Variants in ANGPT4 observed in about 807,000 individuals in gnomAD.
ANGPT4 encodes angiopoietin 4, also known as angiopoietin-4.
In ANGPT4, 50 loss-of-function variants were observed where a neutral mutation model predicts 53.0. The ratio of observed to expected loss-of-function variants is 0.94; its 90% CI spans 0.75 to 1.20. The LOEUF (loss-of-function observed/expected upper bound fraction) is 1.20, where lower values mean the gene tolerates loss of function less well. ANGPT4 is among the 50% of genes most tolerant of loss of function. The probability of loss-of-function intolerance (pLI) is 0.00; values close to 1 mark genes in which losing one functional copy is unlikely to be tolerated. For synonymous variants in ANGPT4, 251 were observed against 259.7 expected, an observed-to-expected ratio of 0.97 and a Z score of 0.32; for missense variants, 648 against 637.1, an observed-to-expected ratio of 1.02 and a Z score of -0.18.
At chr20:875,018 C>A (rs1336567581) in intron 7 of ANGPT4, among the ~76,000 whole-genome samples, 1 of 149,366 alleles carries the variant, frequency 6.7e-6, no homozygotes, top group Non-Finnish European at 1.5e-5. Flanking sequence ...CCGTGCCCGG[C>A]AACGTTTCTT....
At chr20:892,599 A>C (rs1981890565) in intron 1 of ANGPT4, among the ~76,000 whole-genome samples, 1 of 151,416 alleles carries the variant, frequency 6.6e-6, no homozygotes, top group Non-Finnish European at 1.5e-5. Context: ...TGTCTCAAAA[A>C]AAAAAAAAAA....
intron 1 of ANGPT4, among the ~76,000 whole-genome samples, chr20:909,425 AAGCTC>A (rs1381646083): frequency 6.6e-6 from 1 of 152,186 alleles, no homozygotes; most frequent in Non-Finnish European, 1.5e-5. Flanking sequence ...TGAAAAACTG[AAGCTC>A]AGGTCTTTCT....
chr20:897,720 C>T (rs760230550), intron 1 of ANGPT4, among the ~76,000 whole-genome samples: 22 of 152,182 alleles, frequency 1.4e-4, no homozygotes, highest in Non-Finnish European at 2.6e-4. Context: ...GCTCACCGCC[C>T]GCTTCTCCGT....
At chr20:894,227 G>A (rs1441298335) in intron 1 of ANGPT4, among the ~76,000 whole-genome samples, 1 of 152,146 alleles carries the variant, frequency 6.6e-6, no homozygotes, top group African/African-American at 2.4e-5. Flanking sequence ...TAAGTTGCAA[G>A]CCCCGTGTTT....
intron 2 of ANGPT4, among the ~76,000 whole-genome samples, chr20:888,697 C>G (rs888955299): frequency 6.6e-6 from 1 of 152,228 alleles, no homozygotes; most frequent in Non-Finnish European, 1.5e-5. Context: ...AACCCTGTCC[C>G]CCACATCCAA....
intron 3 of ANGPT4, among the ~76,000 whole-genome samples, chr20:887,509 C>T (rs1264637105): frequency 6.6e-6 from 1 of 152,190 alleles, no homozygotes; most frequent in East Asian, 1.9e-4. Flanking sequence ...GTGGCTTGTT[C>T]AGTGGGTAGA....
chr20:874,167 A>G, intron 8 of ANGPT4, 117 bp downstream of exon 8: 2 of 1,489,356 alleles, frequency 1.3e-6, no homozygotes, highest in Non-Finnish European at 1.8e-6. Context: ...GGCAAGGCCC[A>G]GACCTGCACC....
chr20:890,917 C>T (rs1027000176), intron 1 of ANGPT4, among the ~76,000 whole-genome samples: 5 of 152,216 alleles, frequency 3.3e-5, no homozygotes, highest in African/African-American at 1.2e-4. Flanking sequence ...CGTGGCACAC[C>T]TCCTCATGCT....
chr20:885,288 G>T lies in ANGPT4; in HGVS notation c.625C>A (p.Gln209Lys). ...EKRLQALETK[Q>K]QEELASILSK... ...AGGATGCTGGCCAGCTCCTCCTGCT[G>T]CTTGGTCTCCAGGGCCTGCAACCGC... Residue 209 changes from glutamine (Q) to lysine (K), a missense_variant, in exon 4 of 9, where the codon CAG (glutamine) becomes AAG (lysine). Transcript: ENST00000381922. The T allele has an allele frequency of 6.3e-7, 1 of 1,584,492 alleles. No homozygotes were observed. Among genetic ancestry groups the T allele is most frequent in the Non-Finnish European group, 8.6e-7 (1 of 1,167,758 alleles).
At chr20:888,715 G>T (rs1293122959) in intron 2 of ANGPT4, among the ~76,000 whole-genome samples, 3 of 152,168 alleles carry the variant, frequency 2.0e-5, no homozygotes, top group African/African-American at 7.2e-5. Flanking sequence ...CAACTCATCT[G>T]CAGGTCCTGT....
Position 878,333 on chromosome 20 carries a change from G to C in ANGPT4, c.1054-6C>G. 1 of 1,594,156 alleles carries C rather than the reference G, an allele frequency of 6.3e-7. No homozygotes were observed. Among genetic ancestry groups the C allele is most frequent in the African/African-American group, 1.3e-5 (1 of 74,706 alleles). The stretch of plus-strand genomic sequence containing the variant: ...CCAGCTGGGTCTCCGAAGCCCTATA[G>C]GGAGGGGAGCGTGGGGTGAGACTCA... On this transcript the variant is annotated splice_region_variant and splice_polypyrimidine_tract_variant and intron_variant, in intron 6 of 8. Transcript: ENST00000381922.
intron 1 of ANGPT4, among the ~76,000 whole-genome samples, chr20:907,943 T>TC (rs1982542057): frequency 6.6e-6 from 1 of 152,160 alleles, no homozygotes; most frequent in Admixed American, 6.5e-5. Flanking sequence ...GGGTGATTGT[T>TC]CCCCACACAA....
At position 872,853 on chromosome 20, in the gene ANGPT4, G is replaced by A; in HGVS notation, c.*107C>T. Reference sequence around the variant, plus strand: ...GGAGGGCTGGCTCAGGAAGCCCAGGGTGTCAGGGAAGGCGGTGGCACAGTG... The same window carrying A: ...GGAGGGCTGGCTCAGGAAGCCCAGGATGTCAGGGAAGGCGGTGGCACAGTG... On this transcript the variant is annotated 3_prime_UTR_variant, in exon 9 of 9. Coordinates refer to ENST00000381922, the MANE Select transcript of ANGPT4 (RefSeq NM_015985.4). 7.0e-7 allele frequency: 1 copy of A among 1,423,638 alleles called. No homozygotes were observed. The highest frequency in any genetic ancestry group is 9.6e-7 in the Non-Finnish European group (1 of 1,039,288). The allele number at this position is 1,423,638 out of a possible 1,614,324, so 88.2% of individuals were successfully genotyped here.
At chr20:874,719 AT>A (rs59652524) in intron 7 of ANGPT4, among the ~76,000 whole-genome samples, 1 of 152,066 alleles carries the variant, frequency 6.6e-6, no homozygotes. Context: ...ATACATATAC[AT>A]TTTTTTCTTT....
Position 908,384 on chromosome 20 carries a change from T to C in ANGPT4, c.309+7522A>G, listed in dbSNP as rs1982565087. The stretch of plus-strand genomic sequence containing the variant: ...GGGCCTTTGCACTTGCTGTCCCGTG[T>C]GCCTGGAATGCTTTTGCTTCCTTTC... On this transcript the variant is annotated intron_variant, in intron 1 of 8. Transcript: ENST00000381922. This position sits in a 1 kb window ranked among gnomAD's most constrained non-coding sequence, Gnocchi z 4.9. Among the ~76,000 whole-genome samples, 1 of 152,212 alleles carries C rather than the reference T, an allele frequency of 6.6e-6. No homozygotes were observed. The highest frequency in any genetic ancestry group is 2.1e-4 in the South Asian group (1 of 4,834).
At chr20:895,146 A>G (rs971292041) in intron 1 of ANGPT4, among the ~76,000 whole-genome samples, 3 of 152,116 alleles carry the variant, frequency 2.0e-5, no homozygotes, top group African/African-American at 4.8e-5. Flanking sequence ...CAGGGAATGG[A>G]TCCCAGTGGA....
rs1253059126 is a variant in ANGPT4 at position 914,760 on chromosome 20, C to G, written c.309+1146G>C. ...CTGAAGAGTCCCATCTCAGACCCCCCAGGATGTCTCCTGTACCCTCATGCC... is the reference window on the plus strand; with the variant it reads ...CTGAAGAGTCCCATCTCAGACCCCCGAGGATGTCTCCTGTACCCTCATGCC... On this transcript the variant is annotated intron_variant, in intron 1 of 8. Transcript: ENST00000381922. This position sits in a 1 kb window ranked among gnomAD's most constrained non-coding sequence, Gnocchi z 5.0. Among the ~76,000 whole-genome samples the G allele has an allele frequency of 1.3e-5, 2 of 152,270 alleles. No individual in the cohort carries two copies. The highest frequency in any genetic ancestry group is 4.8e-5 in the African/African-American group (2 of 41,532).
At chr20:896,525 G>T (rs1284588438) in intron 1 of ANGPT4, among the ~76,000 whole-genome samples, 1 of 152,178 alleles carries the variant, frequency 6.6e-6, no homozygotes, top group Admixed American at 6.5e-5. Context: ...GGTATTTGAG[G>T]ATCAAAATGA....
intron 1 of ANGPT4, among the ~76,000 whole-genome samples, chr20:905,359 T>C (rs6118168): frequency 0.34 from 51,819 of 152,020 alleles, 9,997 homozygotes; most frequent in African/African-American, 0.52. Context: ...AGGTCCTCGA[T>C]AAATATTTGT....
Sources: gnomAD v4.1 joint callset for allele counts (sites outside exome capture counted in the v4.1 genomes callset) on GRCh38, gnomAD v4.1.1 for gene constraint, Gnocchi (gnomAD v3.1) non-coding constraint, MANE v1.5 for transcripts, NCBI Gene and HGNC (gene_info 2026-07-23, HGNC 2026-07-21) for gene names.